Variants in STT3B observed in about 807,000 individuals in gnomAD.
The protein encoded by STT3B is dolichyl-diphosphooligosaccharide--protein glycosyltransferase subunit STT3B.
STT3B carries 29 observed loss-of-function variants against 96.8 expected under a neutral mutation model. The ratio of observed to expected loss-of-function variants is 0.30; its 90% CI spans 0.22 to 0.41. STT3B has a LOEUF of 0.41. Ranked by LOEUF, STT3B falls within the 10% of genes least tolerant of loss-of-function variation. The pLI is 1.00. For missense variants in STT3B, 640 were observed against 1,022.3 expected, an observed-to-expected ratio of 0.63 and a Z score of 5.10; for synonymous variants, 367 against 360.0, an observed-to-expected ratio of 1.02 and a Z score of -0.22.
chr3:31,630,035 G>T (rs1046823522), intron 14 of STT3B, among the ~76,000 whole-genome samples: 1 of 152,174 alleles, frequency 6.6e-6, no homozygotes, highest in African/African-American at 2.4e-5. Flanking sequence ...CAGACAATTT[G>T]TATCTGCCTT....
chr3:31,577,597 T>C (rs151303787), intron 2 of STT3B, among the ~76,000 whole-genome samples: 2 of 152,262 alleles, frequency 1.3e-5, no homozygotes, highest in East Asian at 3.9e-4. Flanking sequence ...TTAGGATATA[T>C]CCAAATTTTT....
chr3:31,629,445 C>A (rs1238956918), intron 14 of STT3B, 34 bp downstream of exon 14: 1 of 1,194,358 alleles, frequency 8.4e-7, no homozygotes, highest in South Asian at 1.3e-5. Context: ...AATTTTCATT[C>A]AAAATAATGT....
intron 13 of STT3B, 99 bp from the exon 14 acceptor site, chr3:31,629,199 C>A (rs1699602318): frequency 2.8e-6 from 2 of 716,724 alleles, no homozygotes; most frequent in South Asian, 1.7e-5. Flanking sequence ...TATAAAGATA[C>A]CTCAGAAGCT....
At chr3:31,600,553 CA>C in intron 5 of STT3B, 94 bp downstream of exon 5, 1 of 523,268 alleles carries the variant, frequency 1.9e-6, no homozygotes, top group Non-Finnish European at 3.3e-6. Context: ...CAATATTATG[CA>C]TGAAAAGGTA....
intron 1 of STT3B, among the ~76,000 whole-genome samples, chr3:31,561,567 C>T (rs1288272528): frequency 2.0e-5 from 3 of 152,014 alleles, no homozygotes; most frequent in African/African-American, 7.3e-5. Context: ...CACCTCCCCA[C>T]CAAACCCCCA....
intron 13 of STT3B, among the ~76,000 whole-genome samples, chr3:31,626,887 T>G (rs1395504874): frequency 6.6e-6 from 1 of 152,196 alleles, no homozygotes; most frequent in Non-Finnish European, 1.5e-5. Context: ...TGTTTTGCCT[T>G]CCTTTGCTGG....
chr3:31,534,198 C>G (rs990913275), intron 1 of STT3B, among the ~76,000 whole-genome samples: 1 of 152,164 alleles, frequency 6.6e-6, no homozygotes, highest in Non-Finnish European at 1.5e-5. Flanking sequence ...TGGATAAGAG[C>G]AAACAGTACC....
intron 9 of STT3B, chr3:31,620,031 T>C: frequency 7.4e-7 from 1 of 1,347,036 alleles, no homozygotes; most frequent in Non-Finnish European, 9.7e-7. Flanking sequence ...TCCCAGCACT[T>C]TGGGAGGCCG....
chr3:31,541,184 C>A (rs1248849252), intron 1 of STT3B, among the ~76,000 whole-genome samples: 3 of 152,222 alleles, frequency 2.0e-5, no homozygotes, highest in Admixed American at 6.5e-5. Context: ...GTTTTTAAAG[C>A]AATTTTCTTT....
intron 3 of STT3B, among the ~76,000 whole-genome samples, chr3:31,582,620 C>T (rs549681546): frequency 1.6e-4 from 25 of 151,904 alleles, no homozygotes; most frequent in African/African-American, 5.6e-4. Context: ...TAGTTCACAA[C>T]GTAGTTTGTG....
chr3:31,616,790 A>G, intron 6 of STT3B, 139 bp from the exon 7 acceptor site: 1 of 692,840 alleles, frequency 1.4e-6, no homozygotes, highest in East Asian at 2.7e-5. Context: ...TCATTTGACA[A>G]AGGAAATGTT....
At chr3:31,533,348 C>G (rs1696992830) in intron 1 of STT3B, 36 bp downstream of exon 1, 1 of 1,456,466 alleles carries the variant, frequency 6.9e-7, no homozygotes, top group South Asian at 1.3e-5. Context: ...GCCCGTGGCC[C>G]GCGGGGAACC....
intron 3 of STT3B, among the ~76,000 whole-genome samples, chr3:31,596,250 A>C (rs1698790918): frequency 6.6e-6 from 1 of 152,160 alleles, no homozygotes; most frequent in African/African-American, 2.4e-5. Flanking sequence ...AGGAGAGAGA[A>C]AGAAGTATTA....
At chr3:31,588,716 A>AT (rs113451076) in intron 3 of STT3B, among the ~76,000 whole-genome samples, 66 of 151,474 alleles carry the variant, frequency 4.4e-4, no homozygotes, top group Middle Eastern at 3.4e-3. Flanking sequence ...GTCTAGATTG[A>AT]TTTTTTTTTG....
intron 2 of STT3B, among the ~76,000 whole-genome samples, chr3:31,579,477 T>TAAAAAAAAAA (rs1173591549): frequency 5.9e-5 from 4 of 67,448 alleles, no homozygotes; most frequent in African/African-American, 2.2e-4. Flanking sequence ...CCTGTTTTGA[T>TAAAAAAAAAA]AAAAAAAAAA....
chr3:31,594,684 T>G (rs1698746634), intron 3 of STT3B, among the ~76,000 whole-genome samples: 2 of 152,272 alleles, frequency 1.3e-5, no homozygotes, highest in Admixed American at 6.5e-5. Context: ...CCTCCCAAAG[T>G]GCTGGAATTA....
In STT3B at chr3:31,532,930, C is replaced by T; in HGVS notation, c.-69C>T. 1 of 1,500,942 alleles carries T rather than the reference C, an allele frequency of 6.7e-7. No individual in the cohort carries two copies. Among genetic ancestry groups the T allele is most frequent in the Non-Finnish European group, 8.9e-7 (1 of 1,128,966 alleles). The allele number at this position is 1,500,942 out of a possible 1,614,324, so 93.0% of individuals were successfully genotyped here. ...TCCTCCTCCTCCTCCTCCGGGTCCCCGCCCAGCACCCCTCGCACCAGGCGG... is the reference window on the plus strand; with the variant it reads ...TCCTCCTCCTCCTCCTCCGGGTCCCTGCCCAGCACCCCTCGCACCAGGCGG... On this transcript the variant is annotated 5_prime_UTR_variant, in exon 1 of 16. Transcript: ENST00000295770.
intron 1 of STT3B, 91 bp downstream of exon 1, chr3:31,533,403 C>T (rs1377798823): frequency 3.9e-6 from 5 of 1,295,816 alleles, no homozygotes; most frequent in Non-Finnish European, 3.9e-6. Context: ...GACTTGGCCC[C>T]GCGCCGCCGC....
At chr3:31,592,119 C>A (rs542773346) in intron 3 of STT3B, among the ~76,000 whole-genome samples, 1 of 152,260 alleles carries the variant, frequency 6.6e-6, no homozygotes, top group South Asian at 2.1e-4. Flanking sequence ...AATATCTCTC[C>A]TTTCCACCTT....
Sources: gnomAD v4.1 joint callset for allele counts (sites outside exome capture counted in the v4.1 genomes callset) on GRCh38, gnomAD v4.1.1 for gene constraint, MANE v1.5 for transcripts, NCBI Gene and HGNC (gene_info 2026-07-23, HGNC 2026-07-21) for gene names.